Variants in PLEKHA2 observed in about 807,000 individuals in gnomAD.
PLEKHA2 encodes the protein pleckstrin homology domain-containing family A member 2.
PLEKHA2 carries 28 observed loss-of-function variants against 53.2 expected under a neutral mutation model. The ratio of observed to expected loss-of-function variants is 0.53; its 90% CI spans 0.39 to 0.72. The LOEUF (loss-of-function observed/expected upper bound fraction) is 0.72. Ranked by LOEUF, PLEKHA2 falls within the 30% of genes least tolerant of loss-of-function variation. The probability of loss-of-function intolerance (pLI) is 0.00; values close to 1 mark genes in which losing one functional copy is unlikely to be tolerated. For missense variants in PLEKHA2, 426 were observed against 537.9 expected (o/e 0.79, Z 2.06); for synonymous variants, 193 against 196.4 (o/e 0.98, Z 0.14).
At chr8:38,965,332 C>T (rs1174522299) in intron 10 of PLEKHA2, among the ~76,000 whole-genome samples, 1 of 152,236 alleles carries the variant, frequency 6.6e-6, no homozygotes, top group South Asian at 2.1e-4. Flanking sequence ...GGCCTGTGGC[C>T]TGTGGGGGTA....
intron 4 of PLEKHA2, among the ~76,000 whole-genome samples, chr8:38,945,479 A>G (rs1834696481): frequency 6.6e-6 from 1 of 152,212 alleles, no homozygotes; most frequent in Non-Finnish European, 1.5e-5. Flanking sequence ...CTTCTTTGGC[A>G]TGCTCATTCT....
chr8:38,935,898 C>A (rs1457411013), intron 2 of PLEKHA2, 96 bp from the exon 3 acceptor site: 1 of 1,167,912 alleles, frequency 8.6e-7, no homozygotes, highest in African/African-American at 1.5e-5. Flanking sequence ...CTCAGTGTTG[C>A]CAGGAAAGTG....
rs150722357 is a variant in PLEKHA2, at chr8:38,969,941, C to CTGTG, written c.*192_*195dup. 157,591 of 684,190 alleles carry CTGTG rather than the reference C, an allele frequency of 0.23. 8,476 individuals carry two copies. The highest frequency in any genetic ancestry group is 0.4 in the East Asian group (13,503 of 33,480). The allele number at this position is 684,190 out of a possible 1,614,324, so 42.4% of individuals were successfully genotyped here. A position where few individuals can be genotyped will look rare whatever the true frequency, so the allele number is the denominator to read the frequency against. On this transcript the variant is annotated 3_prime_UTR_variant, in exon 12 of 12. Transcript: ENST00000617275. ...GGAGGGAGGGGCCCATCCAGCTGGGCTGTGTGTGTGTGTGTGTGTGTGTGT... is the reference window on the plus strand; with the variant it reads ...GGAGGGAGGGGCCCATCCAGCTGGGCTGTGTGTGTGTGTGTGTGTGTGTGTGTGT...
chr8:38,920,876 C>T (rs907576451), intron 2 of PLEKHA2, among the ~76,000 whole-genome samples: 4 of 151,956 alleles, frequency 2.6e-5, no homozygotes, highest in Admixed American at 2.6e-4. Context: ...TCTCAGCTCA[C>T]TGCAACCTCT....
intron 1 of PLEKHA2, among the ~76,000 whole-genome samples, chr8:38,915,607 G>A (rs924967594): frequency 1.3e-5 from 2 of 152,172 alleles, no homozygotes; most frequent in East Asian, 3.9e-4. Context: ...TCCAAATATA[G>A]CCACATTTTG....
chr8:38,929,489 G>A (rs1834349880), intron 2 of PLEKHA2, among the ~76,000 whole-genome samples: 1 of 152,320 alleles, frequency 6.6e-6, no homozygotes, highest in East Asian at 1.9e-4. Context: ...AAAGGAAAGT[G>A]CATGGGATTT....
chr8:38,938,905 T>TC (rs1481278384), intron 3 of PLEKHA2, among the ~76,000 whole-genome samples: 7 of 151,268 alleles, frequency 4.6e-5, no homozygotes, highest in Non-Finnish European at 1.0e-4. Flanking sequence ...TTTTTCTTTT[T>TC]TTTTTTTTTT....
chr8:38,905,479 A>T (rs1045973064), intron 1 of PLEKHA2, among the ~76,000 whole-genome samples: 2 of 151,562 alleles, frequency 1.3e-5, no homozygotes, highest in Admixed American at 6.6e-5. Context: ...AATTTTTTTT[A>T]AATACTCATA....
rs1367640439 is a variant in PLEKHA2 at position 38,972,773 on chromosome 8, T to G, written c.*2990T>G. 6.6e-6 allele frequency: 1 copy of G among 152,090 alleles called. No individual in the cohort carries two copies. Among genetic ancestry groups the G allele is most frequent in the Non-Finnish European group, 1.5e-5 (1 of 68,030 alleles). The allele number at this position is 152,090 out of a possible 1,614,324, so 9.4% of individuals were successfully genotyped here. A position where few individuals can be genotyped will look rare whatever the true frequency, so the allele number is the denominator to read the frequency against. On this transcript the variant is annotated 3_prime_UTR_variant, in exon 12 of 12. Coordinates refer to ENST00000617275, the MANE Select transcript of PLEKHA2 (RefSeq NM_021623.2). ...TAGGCTCTGGAGTAAATCTGAGTTTTTTTTTTTTTAAAGGAACTAAAAAAT... is the reference window on the plus strand; with the variant it reads ...TAGGCTCTGGAGTAAATCTGAGTTTGTTTTTTTTTAAAGGAACTAAAAAAT...
intron 3 of PLEKHA2, among the ~76,000 whole-genome samples, chr8:38,938,528 G>C (rs113009716): frequency 2.0e-5 from 3 of 152,356 alleles, no homozygotes; most frequent in African/African-American, 7.2e-5. Context: ...GGCCCTAGCC[G>C]TGCCTGGCCG....
At chr8:38,961,104 A>AG (rs1157785267) in intron 10 of PLEKHA2, among the ~76,000 whole-genome samples, 1 of 152,234 alleles carries the variant, frequency 6.6e-6, no homozygotes, top group African/African-American at 2.4e-5. Context: ...TCATGGAGGT[A>AG]GCCAGAATTT....
intron 2 of PLEKHA2, among the ~76,000 whole-genome samples, chr8:38,933,454 A>T (rs780838818): frequency 1.3e-4 from 20 of 152,194 alleles, no homozygotes; most frequent in Non-Finnish European, 2.1e-4. Context: ...ATTGAAAGTC[A>T]GCTTTGGTTT....
intron 2 of PLEKHA2, among the ~76,000 whole-genome samples, chr8:38,925,012 A>G (rs1182076554): frequency 6.6e-6 from 1 of 152,162 alleles, no homozygotes; most frequent in Non-Finnish European, 1.5e-5. Flanking sequence ...TATCAAGCAA[A>G]CTTTTTTTTA....
rs966694476 is a variant in PLEKHA2 at position 38,918,099 on chromosome 8, C to T, written c.141+29C>T. On this transcript the variant is annotated intron_variant, in intron 2 of 11. Transcript: ENST00000617275. Reference sequence around the variant, plus strand: ...AGAGGGTCAGTGGGAAGGGGTGGGGCGACTGGGTGCCCATCACTGCGCCAG... The same window carrying T: ...AGAGGGTCAGTGGGAAGGGGTGGGGTGACTGGGTGCCCATCACTGCGCCAG... The T allele has an allele frequency of 8.7e-6, 14 of 1,603,266 alleles. No individual in the cohort carries two copies. The East Asian group carries it at 9.0e-5, about 10-fold the overall frequency.
At chr8:38,928,406 A>C (rs4316120) in intron 2 of PLEKHA2, among the ~76,000 whole-genome samples, 1 of 151,502 alleles carries the variant, frequency 6.6e-6, no homozygotes, top group South Asian at 2.1e-4. Flanking sequence ...GCGCCACCAC[A>C]CCCAGCTAAT....
intron 2 of PLEKHA2, among the ~76,000 whole-genome samples, chr8:38,930,816 G>C (rs1834379872): frequency 6.6e-6 from 1 of 152,160 alleles, no homozygotes; most frequent in African/African-American, 2.4e-5. Context: ...ACCAGCTGCT[G>C]TGTCTCTAGG....
chr8:38,953,442 G>T (rs1186871348), intron 9 of PLEKHA2, 75 bp downstream of exon 9: 9 of 1,351,826 alleles, frequency 6.7e-6, no homozygotes, highest in African/African-American at 1.4e-5. Context: ...CTACCCTTCA[G>T]AGACTCTATG....
In PLEKHA2 at chr8:38,930,012, C is replaced by T. The variant is rs796880040; in HGVS notation, c.142-5982C>T. 3.9e-5 allele frequency among the ~76,000 whole-genome samples: 6 copies of T among 152,132 alleles called. No individual in the cohort carries two copies. In the South Asian group the frequency reaches 6.2e-4, roughly 16 times the overall value. On this transcript the variant is annotated intron_variant, in intron 2 of 11. Transcript: ENST00000617275. ...CTGCTGTTGCTAGAAAAAGGATTAA[C>T]GTGGGAGGTGTGCCACATCCCTGTA...
At chr8:38,903,257 A>G (rs572628897) in intron 1 of PLEKHA2, among the ~76,000 whole-genome samples, 2 of 152,326 alleles carry the variant, frequency 1.3e-5, no homozygotes, top group Admixed American at 6.5e-5. Context: ...CAAATTGTCT[A>G]TGGCACTCCT....
Sources: allele counts gnomAD v4.1 joint callset (sites outside exome capture counted in the v4.1 genomes callset), GRCh38; gene constraint gnomAD v4.1.1; transcripts MANE v1.5; gene names NCBI Gene and HGNC (gene_info 2026-07-23, HGNC 2026-07-21).